ABCC9: variants seen among roughly 807,000 people sequenced by gnomAD.
ABCC9 encodes the protein ATP binding cassette subfamily C member 9, also known as ATP-binding cassette sub-family C member 9.
In ABCC9, 95 loss-of-function variants were observed where a neutral mutation model predicts 188.3. The ratio of observed to expected loss-of-function variants is 0.50; its 90% CI spans 0.43 to 0.60. ABCC9 has a LOEUF of 0.60. Among genes scored for constraint, ABCC9 ranks in the 20% least tolerant of loss-of-function variants. ABCC9 has a pLI of 0.00. For synonymous variants in ABCC9, 659 were observed against 652.7 expected (o/e 1.01, Z -0.15); for missense variants, 1,102 against 1,876.3 (o/e 0.59, Z 7.62).
chr12:21,881,581 C>T (rs535640386), intron 16 of ABCC9, among the ~76,000 whole-genome samples: 1 of 152,124 alleles, frequency 6.6e-6, no homozygotes, highest in East Asian at 1.9e-4. Context: ...TTCACCAATA[C>T]ATTAGTTGTT....
intron 15 of ABCC9, among the ~76,000 whole-genome samples, chr12:21,885,984 A>G (rs184952961): frequency 6.6e-6 from 1 of 152,130 alleles, no homozygotes; most frequent in South Asian, 2.1e-4. Flanking sequence ...AATGGTAAAT[A>G]TATTCATATT....
In ABCC9 at chr12:21,912,883, T is replaced by C; in HGVS notation, c.1000A>G (p.Asn334Asp). The C allele has an allele frequency of 6.2e-7, 1 of 1,613,494 alleles. No individual in the cohort carries two copies. Among genetic ancestry groups the C allele is most frequent in the Non-Finnish European group, 8.5e-7 (1 of 1,179,564 alleles). Residue 334 changes from asparagine to aspartate, a missense_variant, in exon 8 of 40, where the codon AAC becomes GAC. Asn to Asp is a conservative substitution (Grantham distance 23). Coordinates refer to ENST00000261200, the MANE Select transcript of ABCC9 (RefSeq NM_020297.4). ...CACCAGGAACTTACTCCAGTTGTGT[T>C]ATTTGTCCCATTCTGGGTTTCATTC... ...RVNETQNGTN[N>D]TTGISETLSS...
intron 20 of ABCC9, among the ~76,000 whole-genome samples, chr12:21,862,726 T>C (rs1945583012): frequency 6.6e-6 from 1 of 152,156 alleles, no homozygotes; most frequent in Non-Finnish European, 1.5e-5. Flanking sequence ...GCTGTTTAGT[T>C]TTGGTGTACA....
intron 4 of ABCC9, among the ~76,000 whole-genome samples, chr12:21,931,941 T>C (rs1270302645): frequency 6.6e-6 from 1 of 152,110 alleles, no homozygotes; most frequent in Non-Finnish European, 1.5e-5. Context: ...TCATAAAACA[T>C]TACAAAATAG....
At position 21,918,676 on chromosome 12, in the gene ABCC9, C is replaced by T. The variant is rs558258892; in HGVS notation, c.407-1573G>A. ...TTGGGTTCTCTATTCCAGGTTCTCA[C>T]GAGGCTGGGTTCTCTGCTCCAGGTT... On this transcript the variant is annotated intron_variant, in intron 5 of 39. Coordinates refer to ENST00000261200, the MANE Select transcript of ABCC9 (RefSeq NM_020297.4). 1.1e-4 allele frequency among the ~76,000 whole-genome samples: 16 copies of T among 152,174 alleles called. No individual in the cohort carries two copies. In the East Asian group the frequency reaches 1.2e-3, roughly 11 times the overall value.
intron 38 of ABCC9, among the ~76,000 whole-genome samples, chr12:21,807,011 A>T (rs1941903149): frequency 6.6e-6 from 1 of 152,184 alleles, no homozygotes; most frequent in Non-Finnish European, 1.5e-5. Flanking sequence ...AGATTTTCGT[A>T]CTGCATTTCA....
At chr12:21,888,263 G>A (rs1331585317) in intron 14 of ABCC9, among the ~76,000 whole-genome samples, 5 of 152,052 alleles carry the variant, frequency 3.3e-5, no homozygotes, top group Non-Finnish European at 7.4e-5. Context: ...AGTTGTTTAG[G>A]AACTTGGAAC....
At chr12:21,816,007 A>T in intron 33 of ABCC9, 114 bp from the exon 34 acceptor site, 1 of 390,766 alleles carries the variant, frequency 2.6e-6, no homozygotes, top group Non-Finnish European at 3.8e-6. Context: ...TTCTAAATTT[A>T]AAGTAATACT....
chr12:21,806,508 C>A (rs1941857483), intron 38 of ABCC9, among the ~76,000 whole-genome samples: 1 of 152,142 alleles, frequency 6.6e-6, no homozygotes, highest in African/African-American at 2.4e-5. Flanking sequence ...TTATCTCCAC[C>A]ACAAAGCACT....
chr12:21,803,526 A>C (rs1036300212), intron 39 of ABCC9, among the ~76,000 whole-genome samples: 5 of 151,672 alleles, frequency 3.3e-5, no homozygotes, highest in South Asian at 2.1e-4. Flanking sequence ...ATGGTGGTGC[A>C]TGCCTGCAAC....
At chr12:21,890,983 T>A (rs542783699) in intron 14 of ABCC9, among the ~76,000 whole-genome samples, 144 of 149,790 alleles carry the variant, frequency 9.6e-4, no homozygotes, top group African/African-American at 2.4e-3. Context: ...TAATAAAATT[T>A]AAAAAAAAAA....
At chr12:21,815,527 C>T (rs1022265785) in intron 34 of ABCC9, among the ~76,000 whole-genome samples, 1 of 152,106 alleles carries the variant, frequency 6.6e-6, no homozygotes, top group Non-Finnish European at 1.5e-5. Flanking sequence ...AAAAACATGC[C>T]TATTGTTGAC....
In ABCC9 at chr12:21,860,203, G is replaced by A. The variant is rs182980734; in HGVS notation, c.2425-537C>T. 8.3e-4 allele frequency among the ~76,000 whole-genome samples: 126 copies of A among 152,218 alleles called. 1 individual carries two copies. Among genetic ancestry groups the A allele is most frequent in the Non-Finnish European group, 1.5e-3 (104 of 68,016 alleles). On this transcript the variant is annotated intron_variant, in intron 21 of 39. Coordinates refer to ENST00000261200, the MANE Select transcript of ABCC9 (RefSeq NM_020297.4). Reference sequence around the variant, plus strand: ...ATAGCAATTCCAAGATGTAGGTATTGTTTTAATTTTACACATGTGGAAACT... The same window carrying A: ...ATAGCAATTCCAAGATGTAGGTATTATTTTAATTTTACACATGTGGAAACT...
chr12:21,927,120 G>A (rs900795137), intron 4 of ABCC9, among the ~76,000 whole-genome samples: 1 of 152,148 alleles, frequency 6.6e-6, no homozygotes, highest in Non-Finnish European at 1.5e-5. Flanking sequence ...AACAGAATGT[G>A]CAAATACATA....
chr12:21,898,369 G>A (rs940969208), intron 12 of ABCC9, among the ~76,000 whole-genome samples: 3 of 152,110 alleles, frequency 2.0e-5, no homozygotes, highest in African/African-American at 7.2e-5. Flanking sequence ...ATGTATTGAA[G>A]GGGTCACCAA....
chr12:21,937,706 C>T (rs1949546149), intron 2 of ABCC9, among the ~76,000 whole-genome samples: 1 of 152,114 alleles, frequency 6.6e-6, no homozygotes, highest in Non-Finnish European at 1.5e-5. Context: ...CTTTGCATAT[C>T]TTAAATCCTC....
chr12:21,850,955 A>G (rs895197912), intron 24 of ABCC9, among the ~76,000 whole-genome samples: 4 of 151,864 alleles, frequency 2.6e-5, no homozygotes, highest in Non-Finnish European at 4.4e-5. Flanking sequence ...ATTTTTGCAT[A>G]TATCTTTTCT....
intron 15 of ABCC9, among the ~76,000 whole-genome samples, chr12:21,883,969 G>GAGAA (rs1008985981): frequency 6.6e-6 from 1 of 152,102 alleles, no homozygotes; most frequent in Admixed American, 6.5e-5. Context: ...AATGGCTAAA[G>GAGAA]AGAAAGTAGA....
chr12:21,858,402 A>G (rs1011381818), intron 22 of ABCC9, among the ~76,000 whole-genome samples: 5 of 151,670 alleles, frequency 3.3e-5, no homozygotes, highest in Non-Finnish European at 7.4e-5. Flanking sequence ...GGTGAAACCC[A>G]GTCTCTACTA....
Sources: allele counts gnomAD v4.1 joint callset (sites outside exome capture counted in the v4.1 genomes callset), GRCh38; gene constraint gnomAD v4.1.1; transcripts MANE v1.5; gene names NCBI Gene and HGNC (gene_info 2026-07-23, HGNC 2026-07-21).